HUWE1: variants seen among roughly 807,000 people sequenced by gnomAD.
The protein encoded by HUWE1 is HECT, UBA and WWE domain containing E3 ubiquitin protein ligase 1, also known as E3 ubiquitin-protein ligase HUWE1.
HUWE1 carries 18 observed loss-of-function variants against 299.4 expected under a neutral mutation model. That is an observed-to-expected ratio of 0.06 (90% CI 0.04 to 0.09). HUWE1 has a LOEUF of 0.09. Ranked by LOEUF, HUWE1 falls within the 10% of genes least tolerant of loss-of-function variation. The probability of loss-of-function intolerance (pLI) is 1.00; values close to 1 mark genes in which losing one functional copy is unlikely to be tolerated. For missense variants in HUWE1, 1,832 were observed against 3,462.3 expected, an observed-to-expected ratio of 0.53 and a Z score of 11.82; for synonymous variants, 1,317 against 1,286.1, an observed-to-expected ratio of 1.02 and a Z score of -0.51.
At chrX:53,579,313 G>A (rs1383750125) in intron 43 of HUWE1, among the ~76,000 whole-genome samples, 8 of 96,643 alleles carry the variant, frequency 8.3e-5, no homozygotes, top group Non-Finnish European at 1.1e-4. Context: ...CGCCCCGTCC[G>A]GGAGGGTGGT....
intron 35 of HUWE1, 145 bp downstream of exon 35, chrX:53,590,259 T>G: frequency 1.9e-6 from 1 of 528,138 alleles, no homozygotes; most frequent in Non-Finnish European, 3.4e-6. Flanking sequence ...CAATAATGGA[T>G]GGCAAAGCTG....
rs782579360 is a variant in HUWE1 at position 53,570,060 on chromosome X, ACT to A, written c.6313-235_6313-234del. ...CCATTTCCCACTGCACAGCTTATAC[ACT>A]GTTATGTAGATGTCATGTATTTTTA... is the stretch of plus-strand genomic sequence containing the variant. On this transcript the variant is annotated intron_variant, in intron 47 of 83. Coordinates refer to ENST00000262854, the MANE Select transcript of HUWE1 (RefSeq NM_031407.7). Among the ~76,000 whole-genome samples the A allele has an allele frequency of 2.5e-3, 285 of 112,254 alleles. 1 individual carries two copies. The highest frequency in any genetic ancestry group is 9.0e-3 in the African/African-American group (278 of 30,934).
At chrX:53,615,329 G>C (rs1295362848) in intron 22 of HUWE1, among the ~76,000 whole-genome samples, 1 of 109,089 alleles carries the variant, frequency 9.2e-6, no homozygotes, top group African/African-American at 3.4e-5. Flanking sequence ...CCGAGTTCAA[G>C]TGATTCTCCT....
chrX:53,583,672 G>A lies in HUWE1; in HGVS notation c.5406C>T (p.Arg1802=), dbSNP rs2063731058. The part of the protein sequence containing the change: ...AMMFAELKST[R]MILNLTQSSG... ...AGCTCTGGGTCAAATTCAAGATCATGCGGGTACTCTTCAGTTCTGCAAACA... is the reference window on the plus strand; with the variant it reads ...AGCTCTGGGTCAAATTCAAGATCATACGGGTACTCTTCAGTTCTGCAAACA... The change falls in exon 42 of 84, where the codon CGC becomes CGT. Residue 1802 remains arginine, a synonymous_variant. Transcript: ENST00000262854. 1.7e-6 allele frequency: 2 copies of A among 1,210,364 alleles called. No homozygotes were observed. Among genetic ancestry groups the A allele is most frequent in the Middle Eastern group, 2.3e-4 (1 of 4,351 alleles).
At chrX:53,556,744 A>C (rs998797291) in intron 60 of HUWE1, among the ~76,000 whole-genome samples, 1 of 112,102 alleles carries the variant, frequency 8.9e-6, no homozygotes, top group Non-Finnish European at 1.9e-5. Flanking sequence ...AAATTTAATT[A>C]AAAAAAGAAC....
chrX:53,559,194 G>T, intron 57 of HUWE1, 134 bp from the exon 58 acceptor site: 1 of 764,979 alleles, frequency 1.3e-6, no homozygotes, highest in Non-Finnish European at 2.0e-6. Flanking sequence ...CAAGTACCTA[G>T]AGACAATAAA....
Position 53,532,427 on chromosome X carries a change from G to A in HUWE1, c.*882C>T, listed in dbSNP as rs1400878314. 1 of 111,498 alleles carries A rather than the reference G, an allele frequency of 9.0e-6. No individual in the cohort carries two copies. The highest frequency in any genetic ancestry group is 1.9e-5 in the Non-Finnish European group (1 of 53,137). The allele number at this position is 111,498 out of a possible 1,213,427, so 9.2% of individuals were successfully genotyped here. A position where few individuals can be genotyped will look rare whatever the true frequency, so the allele number is the denominator to read the frequency against. On this transcript the variant is annotated 3_prime_UTR_variant, in exon 84 of 84. Coordinates refer to ENST00000262854, the MANE Select transcript of HUWE1 (RefSeq NM_031407.7). ...GAAAGGCTCACCAAGTAAAACCCTC[G>A]GTTGGGTCAAGTGAGCTCTCTGAAT... is the stretch of plus-strand genomic sequence containing the variant.
At chrX:53,602,237 C>T (rs1227471064) in intron 28 of HUWE1, among the ~76,000 whole-genome samples, 2 of 110,081 alleles carry the variant, frequency 1.8e-5, no homozygotes, top group African/African-American at 6.6e-5. Flanking sequence ...TTATATGGTA[C>T]CTAACATTAA....
rs782651139 is a variant in HUWE1 at position 53,584,197 on chromosome X, T to C, written c.5150A>G (p.Asn1717Ser). 1.6e-5 allele frequency: 19 copies of C among 1,208,114 alleles called. No homozygotes were observed. In the East Asian group the frequency reaches 5.6e-4, roughly 36 times the overall value. ...SKEMDIKRKE[N>S]KGNDTPLALE... is the part of the protein sequence containing the mutation. ...CTCTTGGTACATACCATTGCCTTTA[T>C]TTTCTTTACGTTTGATATCCATTTC... The change falls in exon 41 of 84, where the codon AAT becomes AGT. Residue 1717 changes from asparagine to serine, a missense_variant. Asn to Ser is a conservative substitution (Grantham distance 46, BLOSUM62 1). Around this residue, in one of 15 missense-constraint regions of HUWE1, gnomAD observed 46 missense variants for 42.6 expected, o/e 1.08. Coordinates refer to ENST00000262854, the MANE Select transcript of HUWE1 (RefSeq NM_031407.7).
At chrX:53,548,425 C>T (rs1297701432) in intron 67 of HUWE1, 152 bp from the exon 68 acceptor site, 18 of 651,917 alleles carry the variant, frequency 2.8e-5, no homozygotes, top group Non-Finnish European at 3.7e-5. Flanking sequence ...ATCCAACAGA[C>T]AGTAAAGCAG....
chrX:53,608,701 A>AG, intron 24 of HUWE1, 151 bp downstream of exon 24: 1 of 510,236 alleles, frequency 2.0e-6, no homozygotes, highest in East Asian at 3.5e-5. Flanking sequence ...AAACCAGTCT[A>AG]GAACAAAAAC....
intron 59 of HUWE1, among the ~76,000 whole-genome samples, chrX:53,557,852 T>C (rs1422595757): frequency 1.8e-5 from 2 of 111,820 alleles, no homozygotes; most frequent in Non-Finnish European, 3.8e-5. Flanking sequence ...ACAATGTGTG[T>C]ATTAGGTAAA....
At position 53,551,194 on chromosome X, in the gene HUWE1, G is replaced by A. The variant is rs782815099; in HGVS notation, c.9097-5C>T. 6 of 1,211,702 alleles carry A rather than the reference G, an allele frequency of 5.0e-6. No homozygotes were observed. Among genetic ancestry groups the A allele is most frequent in the South Asian group, 3.5e-5 (2 of 56,987 alleles). ...AGCTCTCTGCTGTGCCAGTACCTAT[G>A]GAGCAGAAAAAGTCAATGAGGGCAT... On this transcript the variant is annotated splice_polypyrimidine_tract_variant and splice_region_variant and intron_variant, in intron 64 of 83. Transcript: ENST00000262854.
chrX:53,641,663 G>A (rs2067600521), intron 7 of HUWE1, among the ~76,000 whole-genome samples: 1 of 111,418 alleles, frequency 9.0e-6, no homozygotes, highest in Non-Finnish European at 1.9e-5. Flanking sequence ...AAGTCTTATG[G>A]CCCACATAAG....
At position 53,580,974 on chromosome X, in the gene HUWE1, A is replaced by G; in HGVS notation, c.5573T>C (p.Val1858Ala). The G allele has an allele frequency of 8.3e-7, 1 of 1,210,312 alleles. No individual in the cohort carries two copies. The highest frequency in any genetic ancestry group is 1.1e-6 in the Non-Finnish European group (1 of 894,615). The change falls in exon 43 of 84, where the codon GTG becomes GCG. Residue 1858 changes from valine to alanine, a missense_variant. By Grantham distance (64) the Val-to-Ala change is moderately conservative (BLOSUM62 0). Around this residue, in one of 15 missense-constraint regions of HUWE1, gnomAD observed 50 missense variants for 114.9 expected, o/e 0.44. Transcript: ENST00000262854. Reference protein sequence around the residue: ...SGAGSTTSGVVSGSLGSREIN... With the variant: ...SGAGSTTSGVASGSLGSREIN... Reference sequence around the variant, plus strand: ...CTCCCGAGAGCCGAGGCTGCCAGACACAACACCAGAGGTAGTGCTACCAGC... The same window carrying G: ...CTCCCGAGAGCCGAGGCTGCCAGACGCAACACCAGAGGTAGTGCTACCAGC...
chrX:53,679,477 G>A (rs1316551152), intron 3 of HUWE1, among the ~76,000 whole-genome samples: 1 of 111,781 alleles, frequency 8.9e-6, no homozygotes, highest in Non-Finnish European at 1.9e-5. Flanking sequence ...ATCCATTGAG[G>A]GGGGCAGTGG....
intron 6 of HUWE1, among the ~76,000 whole-genome samples, chrX:53,647,147 T>C (rs1332095446): frequency 8.9e-6 from 1 of 112,076 alleles, no homozygotes; most frequent in East Asian, 2.8e-4. Context: ...ATTTCTTGAA[T>C]CTTGAAAAGG....
rs375030666 is a variant in HUWE1 at position 53,544,600 on chromosome X, C to T, written c.11211G>A (p.Thr3737=). The change falls in exon 72 of 84, where the codon ACG becomes ACA. Residue 3737 remains threonine, a synonymous_variant. Transcript: ENST00000262854. ...GCTTGGCTTTCTTGTTAGCCCGGCGCGTGTCGTCCCGGAGCTGGATGATGA... is the reference window on the plus strand; with the variant it reads ...GCTTGGCTTTCTTGTTAGCCCGGCGTGTGTCGTCCCGGAGCTGGATGATGA... ...LQVIIQLRDD[T]RRANKKAKQT... is the part of the protein sequence containing the mutation. The T allele has an allele frequency of 1.1e-5, 13 of 1,205,731 alleles. No homozygotes were observed. The highest frequency in any genetic ancestry group is 5.9e-5 in the East Asian group (2 of 33,642).
chrX:53,566,129 G>GTA (rs1212406219), intron 49 of HUWE1, among the ~76,000 whole-genome samples: 6 of 38,724 alleles, frequency 1.5e-4, no homozygotes, highest in East Asian at 1.3e-3. Context: ...GTGTGTGTGT[G>GTA]TGTGTATATA....
Sources: allele counts gnomAD v4.1 joint callset (sites outside exome capture counted in the v4.1 genomes callset), GRCh38; gene constraint gnomAD v4.1.1; regional missense constraint gnomAD v4.1.1; transcripts MANE v1.5; gene names NCBI Gene and HGNC (gene_info 2026-07-23, HGNC 2026-07-21).